Variants in ACIN1 observed in about 807,000 individuals in gnomAD.
ACIN1 encodes apoptotic chromatin condensation inducer in the nucleus.
In ACIN1, 16 loss-of-function variants were observed where a neutral mutation model predicts 146.6. The ratio of observed to expected loss-of-function variants is 0.11; its 90% CI spans 0.07 to 0.17. ACIN1 has a LOEUF of 0.17. Among genes scored for constraint, ACIN1 ranks in the 10% least tolerant of loss-of-function variants. ACIN1 has a pLI of 1.00. For missense variants in ACIN1, 1,357 were observed against 1,609.3 expected (o/e 0.84, Z 2.68); for synonymous variants, 569 against 582.7 (o/e 0.98, Z 0.34).
rs889698146 is a variant in ACIN1, at chr14:23,090,664, A to G, written c.205-31T>C. 20 of 1,553,666 alleles carry G rather than the reference A, an allele frequency of 1.3e-5. No individual in the cohort carries two copies. In the African/African-American group the frequency reaches 2.7e-4, roughly 21 times the overall value. On this transcript the variant is annotated intron_variant, in intron 2 of 18. Transcript: ENST00000605057. ...TAGAGGAAATGAAAACAGAGGGTCT[A>G]GGAAAACAAACCAGGAGAATGCAAA...
At chr14:23,094,801 C>T (rs1461125554) in intron 1 of ACIN1, 174 bp downstream of exon 1, 5 of 1,000,306 alleles carry the variant, frequency 5.0e-6, no homozygotes, top group Non-Finnish European at 7.1e-6. Flanking sequence ...GGAACCGGCG[C>T]GATCTCCATT....
intron 4 of ACIN1, among the ~76,000 whole-genome samples, chr14:23,087,494 C>A (rs2140215390): frequency 6.6e-6 from 1 of 150,568 alleles, no homozygotes; most frequent in South Asian, 2.1e-4. Context: ...CAATCATTAG[C>A]CATGGGCAGG....
rs1286790452 is a variant in ACIN1 at position 23,061,432 on chromosome 14, C to T, written c.3290G>A (p.Arg1097Gln). ...QWAEREREME[R>Q]RERTRSEREW... ...ACGCTCTGATCGAGTCCGCTCCCGC[C>T]GCTCCATTTCCCGTTCCCGTTCTGC... Residue 1097 changes from arginine to glutamine, a missense_variant, in exon 17 of 19, where the codon CGG (arginine) becomes CAG (glutamine). Coordinates refer to ENST00000605057, the MANE Select transcript of ACIN1 (RefSeq NM_001386863.1). 1.2e-6 allele frequency: 2 copies of T among 1,613,672 alleles called. No individual in the cohort carries two copies. Among genetic ancestry groups the T allele is most frequent in the African/African-American group, 1.3e-5 (1 of 74,846 alleles).
At chr14:23,063,231 G>T in intron 13 of ACIN1, 157 bp from the exon 14 acceptor site, 1 of 1,109,398 alleles carries the variant, frequency 9.0e-7, no homozygotes, top group Non-Finnish European at 1.3e-6. Context: ...ACTGTGCTAG[G>T]CTAACCTCCT....
At chr14:23,066,121 G>A (rs181285251) in intron 9 of ACIN1, 113 bp from the exon 10 acceptor site, 1 of 783,082 alleles carries the variant, frequency 1.3e-6, no homozygotes, top group African/African-American at 1.7e-5. Flanking sequence ...CACAGATAGA[G>A]TGAGAGAGAG....
At chr14:23,086,999 C>T (rs1438911846) in intron 4 of ACIN1, among the ~76,000 whole-genome samples, 1 of 151,668 alleles carries the variant, frequency 6.6e-6, no homozygotes, top group African/African-American at 2.4e-5. Context: ...GGCCAGGAAT[C>T]CATATTCTTA....
chr14:23,073,288 A>G (rs2047711870), intron 8 of ACIN1, among the ~76,000 whole-genome samples: 1 of 152,246 alleles, frequency 6.6e-6, no homozygotes, highest in South Asian at 2.1e-4. Context: ...CCTAACACAA[A>G]GTAATGTTCC....
chr14:23,067,031 C>A lies in ACIN1; in HGVS notation c.2266-1023G>T, dbSNP rs1422393181. ...AATCCCTTTCCCATCCACCCCCACC[C>A]GCAGCCCCGTTTGTGTCGTCTAACC... On this transcript the variant is annotated intron_variant, in intron 9 of 18. Coordinates refer to ENST00000605057, the MANE Select transcript of ACIN1 (RefSeq NM_001386863.1). The surrounding 1 kb of genome is among the most constrained non-coding windows in gnomAD (Gnocchi z 4.6). Among the ~76,000 whole-genome samples the A allele has an allele frequency of 6.6e-6, 1 of 152,020 alleles. No individual in the cohort carries two copies. Among genetic ancestry groups the A allele is most frequent in the Admixed American group, 6.5e-5 (1 of 15,276 alleles).
intron 10 of ACIN1, 87 bp downstream of exon 10, chr14:23,065,879 G>T: frequency 8.1e-7 from 1 of 1,229,714 alleles, no homozygotes; most frequent in Non-Finnish European, 1.2e-6. Flanking sequence ...ACCCAAGAAT[G>T]CCATTGAGAA....
rs2047520197 is a variant in ACIN1, at chr14:23,068,288, C to T, written c.2265+1188G>A. 1.0e-6 allele frequency: 1 copy of T among 985,844 alleles called. No homozygotes were observed. Among genetic ancestry groups the T allele is most frequent in the Non-Finnish European group, 1.2e-6 (1 of 830,014 alleles). 61.1% of individuals were successfully genotyped at this position (985,844 alleles called of 1,614,324 possible). A position where few individuals can be genotyped will look rare whatever the true frequency, so the allele number is the denominator to read the frequency against. ...AGATGGGGATCCCAACAGTCTGTAGCAAACAAGGCAACCCACAGTCCTCAA... is the reference window on the plus strand; with the variant it reads ...AGATGGGGATCCCAACAGTCTGTAGTAAACAAGGCAACCCACAGTCCTCAA... On this transcript the variant is annotated intron_variant, in intron 9 of 18. Transcript: ENST00000605057. The surrounding 1 kb of genome is among the most constrained non-coding windows in gnomAD (Gnocchi z 4.3).
rs1250514761 is a variant in ACIN1, at chr14:23,071,624, G to GA, written c.2124-2008dup. 8.9e-6 allele frequency: 13 copies of GA among 1,459,020 alleles called. No homozygotes were observed. The East Asian group carries it at 3.2e-4, about 36-fold the overall frequency. The allele number at this position is 1,459,020 out of a possible 1,614,324, so 90.4% of individuals were successfully genotyped here. A position where few individuals can be genotyped will look rare whatever the true frequency, so the allele number is the denominator to read the frequency against. On this transcript the variant is annotated intron_variant, in intron 8 of 18. Coordinates refer to ENST00000605057, the MANE Select transcript of ACIN1 (RefSeq NM_001386863.1). Reference sequence around the variant, plus strand: ...CCTTGCTGCAGCAGGGGAGGGGAAAGAAAAGAGGGAGGGAGCTGAGTGAGC... The same window carrying GA: ...CCTTGCTGCAGCAGGGGAGGGGAAAGAAAAAGAGGGAGGGAGCTGAGTGAGC...
At chr14:23,083,965 TGAGA>T (rs947447167) in intron 4 of ACIN1, among the ~76,000 whole-genome samples, 75 of 151,774 alleles carry the variant, frequency 4.9e-4, no homozygotes, top group African/African-American at 1.7e-3. Context: ...TTTTTTTTTC[TGAGA>T]GAGAGTCTTG....
rs1236221620 is a variant in ACIN1, at chr14:23,080,554, TCTC to T, written c.778_780del (p.Glu260del). 2 of 1,614,010 alleles carry T rather than the reference TCTC, an allele frequency of 1.2e-6. No individual in the cohort carries two copies. Among genetic ancestry groups the T allele is most frequent in the African/African-American group, 2.7e-5 (2 of 74,902 alleles). The stretch of plus-strand genomic sequence containing the variant: ...CTTGTTTTGGGTCTCTCATCCATCA[TCTC>T]CTCTGGTTTTACTCTAGGTATCTCT... On this transcript the variant is annotated inframe_deletion, in exon 6 of 19. Coordinates refer to ENST00000605057, the MANE Select transcript of ACIN1 (RefSeq NM_001386863.1).
In ACIN1 at chr14:23,069,631, G is replaced by A. The variant is rs2140064149; in HGVS notation, c.2124-14C>T. On this transcript the variant is annotated splice_polypyrimidine_tract_variant and intron_variant, in intron 8 of 18. Transcript: ENST00000605057. ...TCCTTCTCCTCACTGACAGGAGGGG[G>A]GAGTGGTGGTGGGGGGGCGGGCAGA... 2.0e-6 allele frequency: 3 copies of A among 1,520,492 alleles called. No individual in the cohort carries two copies. The highest frequency in any genetic ancestry group is 2.4e-5 in the East Asian group (1 of 42,216). The allele number at this position is 1,520,492 out of a possible 1,614,324, so 94.2% of individuals were successfully genotyped here. A position where few individuals can be genotyped will look rare whatever the true frequency, so the allele number is the denominator to read the frequency against.
At chr14:23,094,586 C>T (rs571920329) in intron 1 of ACIN1, 50 of 970,294 alleles carry the variant, frequency 5.2e-5, no homozygotes, top group African/African-American at 3.2e-4. Flanking sequence ...CGCAACTATA[C>T]CCCTAACTCC....
chr14:23,070,893 T>C (rs943823467), intron 8 of ACIN1, among the ~76,000 whole-genome samples: 1 of 152,008 alleles, frequency 6.6e-6, no homozygotes, highest in African/African-American at 2.4e-5. Flanking sequence ...AAACACGAGA[T>C]TTAGCTGCTT....
intron 5 of ACIN1, 52 bp from the exon 6 acceptor site, chr14:23,080,861 G>A: frequency 6.5e-7 from 1 of 1,534,184 alleles, no homozygotes; most frequent in East Asian, 2.3e-5. Flanking sequence ...ACAGTCAACA[G>A]AGGAGAGAAA....
chr14:23,072,257 A>G (rs2047681588), intron 8 of ACIN1, among the ~76,000 whole-genome samples: 1 of 152,186 alleles, frequency 6.6e-6, no homozygotes, highest in Admixed American at 6.5e-5. Context: ...TGAAGAGATG[A>G]CAGACAACTT....
chr14:23,068,989 T>C lies in ACIN1; in HGVS notation c.2265+487A>G. ...GGCCTTCCGGATCACAAGTGCTGGCTTCTAAGTAGCTACATCTCTGCAGTC... is the reference window on the plus strand; with the variant it reads ...GGCCTTCCGGATCACAAGTGCTGGCCTCTAAGTAGCTACATCTCTGCAGTC... On this transcript the variant is annotated intron_variant, in intron 9 of 18. Coordinates refer to ENST00000605057, the MANE Select transcript of ACIN1 (RefSeq NM_001386863.1). The surrounding 1 kb of genome is among the most constrained non-coding windows in gnomAD (Gnocchi z 4.3). The C allele has an allele frequency of 1.0e-6, 1 of 974,066 alleles. No homozygotes were observed. Among genetic ancestry groups the C allele is most frequent in the Non-Finnish European group, 1.2e-6 (1 of 829,970 alleles). 60.3% of individuals were successfully genotyped at this position (974,066 alleles called of 1,614,324 possible).
Sources: gnomAD v4.1 joint callset for allele counts (sites outside exome capture counted in the v4.1 genomes callset) on GRCh38, gnomAD v4.1.1 for gene constraint, Gnocchi (gnomAD v3.1) non-coding constraint, MANE v1.5 for transcripts, NCBI Gene and HGNC (gene_info 2026-07-23, HGNC 2026-07-21) for gene names.